YTHDF3: variants seen among roughly 807,000 people sequenced by gnomAD.
YTHDF3 encodes YTH domain-containing family protein 3.
Under a neutral mutation model 52.5 loss-of-function variants are expected in YTHDF3, and 9 were observed. The observed-to-expected ratio is 0.17, with a 90% confidence interval of 0.10 to 0.30. The LOEUF is 0.30. Among genes scored for constraint, YTHDF3 ranks in the 10% least tolerant of loss-of-function variants. YTHDF3 has a pLI of 1.00. For missense variants in YTHDF3, 534 were observed against 715.0 expected, an observed-to-expected ratio of 0.75 and a Z score of 2.89; for synonymous variants, 274 against 243.3, an observed-to-expected ratio of 1.13 and a Z score of -1.18.
intron 4 of YTHDF3, among the ~76,000 whole-genome samples, chr8:63,203,427 G>T (rs1411539826): frequency 6.6e-6 from 1 of 152,126 alleles, no homozygotes; most frequent in Middle Eastern, 3.2e-3. Context: ...TTATTTGGTA[G>T]TTGTATGCAA....
intron 4 of YTHDF3, among the ~76,000 whole-genome samples, chr8:63,197,931 T>G (rs1809344401): frequency 6.6e-6 from 1 of 152,210 alleles, no homozygotes; most frequent in Non-Finnish European, 1.5e-5. Flanking sequence ...TCCCCCTGTA[T>G]TCCTTCATTC....
intron 4 of YTHDF3, among the ~76,000 whole-genome samples, chr8:63,194,594 A>G (rs186704586): frequency 1.3e-5 from 2 of 152,344 alleles, no homozygotes; most frequent in East Asian, 3.9e-4. Flanking sequence ...ATGCTTCCCC[A>G]TCTGCTTTAT....
chr8:63,169,404 A>T lies in YTHDF3; in HGVS notation c.42A>T (p.Gly14=), dbSNP rs769568813. 6.2e-6 allele frequency: 10 copies of T among 1,601,472 alleles called. No individual in the cohort carries two copies. The highest frequency in any genetic ancestry group is 7.7e-6 in the Non-Finnish European group (9 of 1,173,146). Residue 14 remains glycine, a synonymous_variant, in exon 2 of 5, where the codon GGA becomes GGT. Transcript: ENST00000539294. ...CAACACAGAGACCTAAAGGGCAAGG[A>T]AATAAAGGTGAGTTTGGATTTTTTT... The part of the protein sequence containing the change: ...TSVDQRPKGQ[G]NKVSVQNGSI...
chr8:63,193,317 A>G (rs905624391), intron 4 of YTHDF3, among the ~76,000 whole-genome samples: 2 of 147,964 alleles, frequency 1.4e-5, no homozygotes, highest in Non-Finnish European at 3.0e-5. Context: ...GGTGGATTGC[A>G]GTAAGCCAGG....
chr8:63,168,605 G>A (rs1047264268), upstream of YTHDF3: 4 of 589,436 alleles, frequency 6.8e-6, no homozygotes, highest in Non-Finnish European at 1.2e-5. Context: ...AGGTCAGGGA[G>A]GCTCGGAGCG....
intron 2 of YTHDF3, chr8:63,173,554 G>A: frequency 1.2e-5 from 7 of 567,990 alleles, no homozygotes; most frequent in Non-Finnish European, 1.6e-5. Flanking sequence ...TTTTTAAGTT[G>A]TTAGCTGTTT....
At chr8:63,186,032 A>T in intron 3 of YTHDF3, 115 bp from the exon 4 acceptor site, 1 of 1,113,346 alleles carries the variant, frequency 9.0e-7, no homozygotes, top group Non-Finnish European at 1.3e-6. Flanking sequence ...TATCTAGAAT[A>T]GGTACATCTT....
intron 4 of YTHDF3, among the ~76,000 whole-genome samples, chr8:63,207,073 C>T (rs1006668998): frequency 6.6e-6 from 1 of 152,164 alleles, no homozygotes; most frequent in Non-Finnish European, 1.5e-5. Context: ...TTCTCCTGCT[C>T]TCTTAAAAAT....
At position 63,187,744 on chromosome 8, in the gene YTHDF3, G is replaced by A. The variant is rs751249316; in HGVS notation, c.1733G>A (p.Arg578Lys). The change falls in exon 4 of 5, where the codon AGG becomes AAG. Residue 578 changes from arginine to lysine, a missense_variant and splice_region_variant. This residue lies in a region of YTHDF3 where 135 missense variants were observed against 214.2 expected (regional missense o/e 0.63). Transcript: ENST00000539294. ...KRQEEEEAMR[R>K]ERNRNKQ ...CAAGAAGAGGAGGAAGCCATGCGTA[G>A]GGTAAGAATATAGTAATTTTTTGTT... 7.5e-6 allele frequency: 12 copies of A among 1,594,244 alleles called. No individual in the cohort carries two copies. Among genetic ancestry groups the A allele is most frequent in the Non-Finnish European group, 7.7e-6 (9 of 1,170,922 alleles).
chr8:63,178,656 ATAT>A (rs1807862082), intron 3 of YTHDF3, among the ~76,000 whole-genome samples: 1 of 152,198 alleles, frequency 6.6e-6, no homozygotes, highest in Non-Finnish European at 1.5e-5. Context: ...TCTTTCTTTA[ATAT>A]TAAAAATAAT....
chr8:63,201,385 A>G (rs1236028155), intron 4 of YTHDF3, among the ~76,000 whole-genome samples: 1 of 152,172 alleles, frequency 6.6e-6, no homozygotes, highest in African/African-American at 2.4e-5. Context: ...ATAAATAAAA[A>G]TTTACATTGT....
At chr8:63,192,717 C>G (rs1585769771) in intron 4 of YTHDF3, among the ~76,000 whole-genome samples, 1 of 151,966 alleles carries the variant, frequency 6.6e-6, no homozygotes, top group Admixed American at 6.6e-5. Flanking sequence ...CATTTTAGTG[C>G]TGAAGGAAGG....
At chr8:63,192,363 A>G (rs1265874008) in intron 4 of YTHDF3, among the ~76,000 whole-genome samples, 2 of 152,162 alleles carry the variant, frequency 1.3e-5, no homozygotes, top group African/African-American at 2.4e-5. Flanking sequence ...AGTTGCATAT[A>G]CCTTTCTCTT....
In YTHDF3 at chr8:63,173,202, T is replaced by TTATATATATATATA. The variant is rs545707272; in HGVS notation, c.50-2117_50-2116insTATATATATATATA. 4.0e-4 allele frequency among the ~76,000 whole-genome samples: 50 copies of TTATATATATATATA among 125,812 alleles called. No homozygotes were observed. The East Asian group carries it at 5.4e-3, about 14-fold the overall frequency. 82.5% of individuals were successfully genotyped at this position (125,812 alleles called of 152,430 possible). A position where few individuals can be genotyped will look rare whatever the true frequency, so the allele number is the denominator to read the frequency against. ...AAAAATAAGAATAACAGGATTATATTTATATATATATACAGATAAATTTTA... is the reference window on the plus strand; with the variant it reads ...AAAAATAAGAATAACAGGATTATATTTATATATATATATATATATATATATACAGATAAATTTTA... On this transcript the variant is annotated intron_variant, in intron 2 of 4. Coordinates refer to ENST00000539294, the MANE Select transcript of YTHDF3 (RefSeq NM_152758.6).
In YTHDF3 at chr8:63,168,668, G is replaced by T; in HGVS notation, c.-210G>T. On this transcript the variant is annotated 5_prime_UTR_variant, in exon 1 of 5. Transcript: ENST00000539294. ...ATTGTGGACCCGAGAAGCAGAGAGC[G>T]AGAGGGGGAAGAGGAGCGTGCAAGC... 5 of 866,632 alleles carry T rather than the reference G, an allele frequency of 5.8e-6. No individual in the cohort carries two copies. The allele number at this position is 866,632 out of a possible 1,614,324, so 53.7% of individuals were successfully genotyped here. A position where few individuals can be genotyped will look rare whatever the true frequency, so the allele number is the denominator to read the frequency against.
chr8:63,195,897 G>T (rs953934814), intron 4 of YTHDF3, among the ~76,000 whole-genome samples: 24 of 151,956 alleles, frequency 1.6e-4, no homozygotes, highest in African/African-American at 4.4e-4. Flanking sequence ...GACTTTCCAG[G>T]CTCAGGTGAT....
chr8:63,176,835 G>A lies in YTHDF3; in HGVS notation c.135+1419G>A, dbSNP rs192844569. On this transcript the variant is annotated intron_variant, in intron 3 of 4. Coordinates refer to ENST00000539294, the MANE Select transcript of YTHDF3 (RefSeq NM_152758.6). ...TGGGATTACAGGCACATGCCACCAC[G>A]CCTGGCTACTTTTTGTATTTTTTAG... Among the ~76,000 whole-genome samples the A allele has an allele frequency of 2.2e-3, 333 of 151,958 alleles. 2 individuals are homozygous for A. Among genetic ancestry groups the A allele is most frequent in the African/African-American group, 6.8e-3 (280 of 41,430 alleles).
chr8:63,187,924 C>T (rs532184705), intron 4 of YTHDF3, among the ~76,000 whole-genome samples, 179 bp downstream of exon 4: 1 of 152,200 alleles, frequency 6.6e-6, no homozygotes, highest in Middle Eastern at 3.4e-3. Context: ...CTTTCCTTTC[C>T]CAGGGTAACT....
Position 63,186,788 on chromosome 8 carries a change from A to G in YTHDF3, c.777A>G (p.Gly259=). 6.2e-7 allele frequency: 1 copy of G among 1,613,976 alleles called. No homozygotes were observed. The highest frequency in any genetic ancestry group is 8.5e-7 in the Non-Finnish European group (1 of 1,179,894). ...QPKLKPKGNV[G]IGGSAVPPPP... ...AACTTAAACCCAAGGGCAATGTGGG[A>G]ATTGGGGGTTCTGCTGTACCACCAC... is the stretch of plus-strand genomic sequence containing the variant. Residue 259 remains glycine, a synonymous_variant, in exon 4 of 5, where the codon GGA becomes GGG. Coordinates refer to ENST00000539294, the MANE Select transcript of YTHDF3 (RefSeq NM_152758.6).
Sources: allele counts gnomAD v4.1 joint callset (sites outside exome capture counted in the v4.1 genomes callset), GRCh38; gene constraint gnomAD v4.1.1; regional missense constraint gnomAD v4.1.1; transcripts MANE v1.5; gene names NCBI Gene and HGNC (gene_info 2026-07-23, HGNC 2026-07-21).